ARL8B: variants seen among roughly 807,000 people sequenced by gnomAD.
ARL8B encodes ARF like GTPase 8B, also known as ADP-ribosylation factor-like protein 8B.
In ARL8B, 9 loss-of-function variants were observed where a neutral mutation model predicts 30.6. The observed-to-expected ratio is 0.29, with a 90% CI of 0.18 to 0.51. ARL8B has a LOEUF of 0.51. ARL8B is among the 20% of genes least tolerant of loss of function. The pLI is 0.97. For synonymous variants in ARL8B, 74 were observed against 76.0 expected (o/e 0.97, Z 0.14); for missense variants, 130 against 227.2 (o/e 0.57, Z 2.75).
chr3:5,172,266 G>A (rs1254964008), intron 3 of ARL8B, 43 bp downstream of exon 3: 3 of 1,522,592 alleles, frequency 2.0e-6, no homozygotes, highest in Non-Finnish European at 1.8e-6. Context: ...AATCAATGTA[G>A]GCATCAAAGA....
chr3:5,173,591 G>T (rs924358853), intron 4 of ARL8B, among the ~76,000 whole-genome samples: 4 of 152,106 alleles, frequency 2.6e-5, no homozygotes, highest in African/African-American at 4.8e-5. Flanking sequence ...TCAGCTGGGC[G>T]TGGTGGTGGG....
chr3:5,173,957 T>C, intron 4 of ARL8B, 60 bp from the exon 5 acceptor site: 1 of 1,249,280 alleles, frequency 8.0e-7, no homozygotes, highest in Non-Finnish European at 1.2e-6. Context: ...ATCAAGATGA[T>C]AAACTTCTGT....
rs1203276332 is a variant in ARL8B at position 5,130,402 on chromosome 3, T to C, written c.123+7814T>C. 3.9e-5 allele frequency among the ~76,000 whole-genome samples: 6 copies of C among 152,102 alleles called. No homozygotes were observed. The East Asian group carries it at 5.8e-4, about 15-fold the overall frequency. Reference sequence around the variant, plus strand: ...AAATACAGCTCATCCCCTTTACTTATCATGCTGCTATTTTGTTTTAGAAGT... The same window carrying C: ...AAATACAGCTCATCCCCTTTACTTACCATGCTGCTATTTTGTTTTAGAAGT... On this transcript the variant is annotated intron_variant, in intron 1 of 6. Coordinates refer to ENST00000256496, the MANE Select transcript of ARL8B (RefSeq NM_018184.3).
At chr3:5,173,956 A>T in intron 4 of ARL8B, 61 bp from the exon 5 acceptor site, 2 of 1,229,902 alleles carry the variant, frequency 1.6e-6, no homozygotes, top group African/African-American at 1.5e-5. Context: ...TATCAAGATG[A>T]TAAACTTCTG....
At chr3:5,170,342 T>G (rs2054661610) in intron 1 of ARL8B, among the ~76,000 whole-genome samples, 161 bp from the exon 2 acceptor site, 2 of 152,256 alleles carry the variant, frequency 1.3e-5, no homozygotes, top group South Asian at 4.1e-4. Context: ...AATGCATCTC[T>G]TCAAGAATTA....
chr3:5,166,344 T>A (rs2054623945), intron 1 of ARL8B, among the ~76,000 whole-genome samples: 1 of 135,268 alleles, frequency 7.4e-6, no homozygotes. Context: ...GGCTGGTATC[T>A]TTCGTTTTTT....
intron 1 of ARL8B, among the ~76,000 whole-genome samples, chr3:5,151,669 T>A (rs1414078481): frequency 6.6e-6 from 1 of 152,124 alleles, no homozygotes; most frequent in Non-Finnish European, 1.5e-5. Flanking sequence ...ATACTTTGTA[T>A]GATTTTTGTA....
At chr3:5,125,696 C>G (rs1298718355) in intron 1 of ARL8B, among the ~76,000 whole-genome samples, 1 of 152,082 alleles carries the variant, frequency 6.6e-6, no homozygotes, top group African/African-American at 2.4e-5. Context: ...CCATGCCCAG[C>G]TAATTTTTGT....
intron 1 of ARL8B, among the ~76,000 whole-genome samples, chr3:5,154,245 G>A (rs2054512993): frequency 6.6e-6 from 1 of 151,424 alleles, no homozygotes; most frequent in Non-Finnish European, 1.5e-5. Context: ...ACTTTGACAT[G>A]ACTGTTAGTC....
At chr3:5,168,883 A>G (rs2054645927) in intron 1 of ARL8B, among the ~76,000 whole-genome samples, 1 of 152,210 alleles carries the variant, frequency 6.6e-6, no homozygotes, top group Non-Finnish European at 1.5e-5. Context: ...AAAACACTTA[A>G]TGATATGAAA....
Position 5,180,344 on chromosome 3 carries a change from G to C in ARL8B, c.*1631G>C, listed in dbSNP as rs1352733923. 1.3e-5 allele frequency: 2 copies of C among 152,298 alleles called. No individual in the cohort carries two copies. The highest frequency in any genetic ancestry group is 2.9e-5 in the Non-Finnish European group (2 of 68,044). The allele number at this position is 152,298 out of a possible 1,614,324, so 9.4% of individuals were successfully genotyped here. A position where few individuals can be genotyped will look rare whatever the true frequency, so the allele number is the denominator to read the frequency against. On this transcript the variant is annotated 3_prime_UTR_variant, in exon 7 of 7. Coordinates refer to ENST00000256496, the MANE Select transcript of ARL8B (RefSeq NM_018184.3). ...TTTGAAGCATGTTGCATACTACCCT[G>C]GTGGGATGGATGGTTCTGTAAATGA...
chr3:5,144,810 G>A (rs1054795612), intron 1 of ARL8B, among the ~76,000 whole-genome samples: 1 of 152,120 alleles, frequency 6.6e-6, no homozygotes, highest in South Asian at 2.1e-4. Flanking sequence ...GGAAGCTGGA[G>A]GCTTTCTAAA....
At chr3:5,162,159 C>T (rs1266084451) in intron 1 of ARL8B, among the ~76,000 whole-genome samples, 1 of 152,186 alleles carries the variant, frequency 6.6e-6, no homozygotes, top group Non-Finnish European at 1.5e-5. Context: ...TACAATTGGC[C>T]TGTCTGCCTT....
At chr3:5,167,559 C>G (rs903052384) in intron 1 of ARL8B, among the ~76,000 whole-genome samples, 2 of 152,154 alleles carry the variant, frequency 1.3e-5, no homozygotes, top group African/African-American at 4.8e-5. Flanking sequence ...CTCTTTCCCC[C>G]CCAAGTCAGA....
At chr3:5,159,296 T>TAA (rs1354068288) in intron 1 of ARL8B, among the ~76,000 whole-genome samples, 1 of 45,126 alleles carries the variant, frequency 2.2e-5, no homozygotes. Context: ...TGACTCTGTC[T>TAA]CAAAAAAAAA....
chr3:5,138,670 C>G (rs558845995), intron 1 of ARL8B, among the ~76,000 whole-genome samples: 1 of 152,332 alleles, frequency 6.6e-6, no homozygotes, highest in South Asian at 2.1e-4. Context: ...ACCTGCCACA[C>G]TCCCCACCCT....
At chr3:5,147,022 C>CTT (rs58037248) in intron 1 of ARL8B, among the ~76,000 whole-genome samples, 64 of 147,694 alleles carry the variant, frequency 4.3e-4, no homozygotes, top group South Asian at 1.3e-3. Context: ...TTTTCTTCCT[C>CTT]TTTTTTTTTT....
chr3:5,166,248 C>A (rs139950934), intron 1 of ARL8B, among the ~76,000 whole-genome samples: 8 of 151,956 alleles, frequency 5.3e-5, no homozygotes, highest in African/African-American at 1.9e-4. Flanking sequence ...CTATGTTGGC[C>A]CAGGTGGTCT....
intron 1 of ARL8B, among the ~76,000 whole-genome samples, chr3:5,126,480 C>T (rs1017636024): frequency 6.6e-6 from 1 of 152,182 alleles, no homozygotes; most frequent in Non-Finnish European, 1.5e-5. Context: ...ATTAAAATGT[C>T]ACTACATGTG....
Sources: allele counts gnomAD v4.1 joint callset (sites outside exome capture counted in the v4.1 genomes callset), GRCh38; gene constraint gnomAD v4.1.1; transcripts MANE v1.5; gene names NCBI Gene and HGNC (gene_info 2026-07-23, HGNC 2026-07-21).